The following DGKB variants were observed in gnomAD, a reference collection of about 807,000 sequenced individuals.
DGKB encodes the protein diacylglycerol kinase beta.
Under a neutral mutation model 114.3 loss-of-function variants are expected in DGKB, and 67 were observed. The observed-to-expected ratio is 0.59, with a 90% CI of 0.48 to 0.72. DGKB has a LOEUF of 0.72. Among genes scored for constraint, DGKB ranks in the 30% least tolerant of loss-of-function variants. DGKB has a pLI of 0.00. For missense variants in DGKB, 907 were observed against 975.2 expected, an observed-to-expected ratio of 0.93 and a Z score of 0.93; for synonymous variants, 398 against 323.1, an observed-to-expected ratio of 1.23 and a Z score of -2.49.
intron 23 of DGKB, among the ~76,000 whole-genome samples, chr7:14,299,197 T>C (rs1038065052): frequency 6.6e-6 from 1 of 152,022 alleles, no homozygotes; most frequent in Admixed American, 6.6e-5. Context: ...GGCATGGCAG[T>C]AGAAGGAGAG....
chr7:14,746,311 G>T (rs1833279783), intron 4 of DGKB, among the ~76,000 whole-genome samples: 1 of 152,114 alleles, frequency 6.6e-6, no homozygotes, highest in African/African-American at 2.4e-5. Flanking sequence ...TCTAGCCTGG[G>T]TGTCAGAGTG....
intron 23 of DGKB, among the ~76,000 whole-genome samples, chr7:14,301,928 G>A (rs1803636535): frequency 6.6e-6 from 1 of 152,048 alleles, no homozygotes; most frequent in Non-Finnish European, 1.5e-5. Flanking sequence ...CTGGTCTTGG[G>A]TTGGGACCCC....
At chr7:14,587,536 G>C (rs1407747536) in intron 17 of DGKB, among the ~76,000 whole-genome samples, 1 of 152,134 alleles carries the variant, frequency 6.6e-6, no homozygotes, top group Non-Finnish European at 1.5e-5. Context: ...CTCAAATTCT[G>C]AGGGAAGTTC....
Position 14,757,726 on chromosome 7 carries a change from T to C in DGKB, c.76A>G (p.Thr26Ala). 6.3e-7 allele frequency: 1 copy of C among 1,593,002 alleles called. No individual in the cohort carries two copies. Among genetic ancestry groups the C allele is most frequent in the Non-Finnish European group, 8.6e-7 (1 of 1,162,708 alleles). Residue 26 changes from threonine to alanine, a missense_variant, in exon 3 of 26, where the codon ACA (threonine) becomes GCA (alanine). Physicochemically the swap from Thr to Ala is moderately conservative, Grantham distance 58. This residue lies in a region of DGKB where 814 missense variants were observed against 856.6 expected (regional missense o/e 0.95). Coordinates refer to ENST00000402815, the MANE Select transcript of DGKB (RefSeq NM_001350709.2). Reference protein sequence around the residue: ...SQLQKYAEYSTKKLKDVLEEF... With the variant: ...SQLQKYAEYSAKKLKDVLEEF... The stretch of plus-strand genomic sequence containing the variant: ...TCAAGAACATCCTTTAATTTCTTTG[T>C]AGAATCTATAAAAAACAGAAAACAC...
intron 2 of DGKB, among the ~76,000 whole-genome samples, chr7:14,794,750 C>T (rs1841162130): frequency 6.6e-6 from 1 of 152,100 alleles, no homozygotes. Context: ...GAATGGGATC[C>T]TCTAAGTTGG....
intron 20 of DGKB, among the ~76,000 whole-genome samples, chr7:14,562,210 G>C (rs1289859098): frequency 2.6e-5 from 4 of 152,236 alleles, no homozygotes; most frequent in Non-Finnish European, 4.4e-5. Flanking sequence ...AAGAATTGAG[G>C]TTTGGAAACC....
At chr7:14,916,943 C>A (rs1784267557) in intron 1 of DGKB, among the ~76,000 whole-genome samples, 1 of 151,896 alleles carries the variant, frequency 6.6e-6, no homozygotes, top group African/African-American at 2.4e-5. Context: ...GCAAAGTATG[C>A]TCTCAAATGG....
intron 2 of DGKB, among the ~76,000 whole-genome samples, chr7:14,835,705 C>A (rs1381058936): frequency 6.6e-6 from 1 of 152,174 alleles, no homozygotes; most frequent in Non-Finnish European, 1.5e-5. Flanking sequence ...TCTCTCTCCC[C>A]TTTCAGGACC....
At chr7:14,328,367 T>C (rs1161946241) in intron 23 of DGKB, among the ~76,000 whole-genome samples, 1 of 152,068 alleles carries the variant, frequency 6.6e-6, no homozygotes, top group African/African-American at 2.4e-5. Context: ...GTTTTACAAA[T>C]AGCAGCTGAT....
intron 4 of DGKB, among the ~76,000 whole-genome samples, chr7:14,737,705 T>G (rs1831943607): frequency 6.6e-6 from 1 of 152,152 alleles, no homozygotes; most frequent in Non-Finnish European, 1.5e-5. Context: ...CTTTGCTTAT[T>G]GATTCTCACA....
chr7:14,505,426 T>C (rs1004346810), intron 20 of DGKB, among the ~76,000 whole-genome samples: 3 of 150,608 alleles, frequency 2.0e-5, no homozygotes, highest in African/African-American at 7.3e-5. Context: ...TGCAGCCCAG[T>C]CTGGGAGACA....
Position 14,148,357 on chromosome 7 carries a change from A to G in DGKB, c.*774T>C, listed in dbSNP as rs933151193. Reference sequence around the variant, plus strand: ...ACATTGATTAGGCACATAGTTTAAAACTTCTATTTCGTTATTGGTGTGGTT... The same window carrying G: ...ACATTGATTAGGCACATAGTTTAAAGCTTCTATTTCGTTATTGGTGTGGTT... On this transcript the variant is annotated 3_prime_UTR_variant, in exon 26 of 26. Coordinates refer to ENST00000402815, the MANE Select transcript of DGKB (RefSeq NM_001350709.2). The G allele has an allele frequency of 2.0e-5, 3 of 152,612 alleles. No individual in the cohort carries two copies. Among genetic ancestry groups the G allele is most frequent in the Non-Finnish European group, 4.4e-5 (3 of 68,004 alleles). The allele number at this position is 152,612 out of a possible 1,614,324, so 9.5% of individuals were successfully genotyped here.
At chr7:14,863,009 A>G (rs79571543) in intron 1 of DGKB, among the ~76,000 whole-genome samples, 1,625 of 152,140 alleles carry the variant, frequency 0.011, 30 homozygotes, top group African/African-American at 0.038. Context: ...AGGTCACAAT[A>G]GCAACATTTG....
intron 13 of DGKB, among the ~76,000 whole-genome samples, chr7:14,635,899 G>C (rs900305181): frequency 4.6e-5 from 7 of 151,548 alleles, no homozygotes; most frequent in African/African-American, 1.7e-4. Flanking sequence ...TCATTGTATA[G>C]TTAGCGTATT....
chr7:14,479,328 C>G (rs926820811), intron 20 of DGKB, among the ~76,000 whole-genome samples: 1 of 151,982 alleles, frequency 6.6e-6, no homozygotes, highest in Non-Finnish European at 1.5e-5. Context: ...GCATGAAGCA[C>G]AAAAAGAGAG....
chr7:14,536,310 A>C (rs1228742021), intron 20 of DGKB, among the ~76,000 whole-genome samples: 1 of 152,230 alleles, frequency 6.6e-6, no homozygotes. Flanking sequence ...TGAGGTCAGC[A>C]TCACCTTGAT....
At chr7:14,476,343 A>G (rs1381630276) in intron 21 of DGKB, among the ~76,000 whole-genome samples, 1 of 152,124 alleles carries the variant, frequency 6.6e-6, no homozygotes, top group African/African-American at 2.4e-5. Flanking sequence ...TTATTTTTAC[A>G]TGTGTTTCAT....
chr7:14,922,375 CGTGTGTGTGTGTGTGTGT>C (rs150420213), intron 1 of DGKB, among the ~76,000 whole-genome samples: 5 of 118,212 alleles, frequency 4.2e-5, no homozygotes, highest in Non-Finnish European at 8.5e-5. Context: ...GTGTATCCAT[CGTGTGTGTGTGTGTGTGT>C]GTGTGTGTGT....
chr7:14,754,852 G>A lies in DGKB; in HGVS notation c.148-904C>T, dbSNP rs116241699. Among the ~76,000 whole-genome samples, 716 of 152,232 alleles carry A rather than the reference G, an allele frequency of 4.7e-3. 9 individuals carry two copies. Among genetic ancestry groups the A allele is most frequent in the African/African-American group, 0.016 (673 of 41,552 alleles). ...GTGCCACACTCACTACAAAAGCAAT[G>A]TCTTCCCATGCCTTCCCCTAACCTT... On this transcript the variant is annotated intron_variant, in intron 3 of 25. Coordinates refer to ENST00000402815, the MANE Select transcript of DGKB (RefSeq NM_001350709.2).
Sources: allele counts gnomAD v4.1 joint callset (sites outside exome capture counted in the v4.1 genomes callset), GRCh38; gene constraint gnomAD v4.1.1; regional missense constraint gnomAD v4.1.1; transcripts MANE v1.5; gene names NCBI Gene and HGNC (gene_info 2026-07-23, HGNC 2026-07-21).